The following PON1 variants were observed in gnomAD, a reference collection of about 807,000 sequenced individuals.
PON1 encodes the protein serum paraoxonase/arylesterase 1.
PON1 carries 37 observed loss-of-function variants against 39.2 expected under a neutral mutation model. That is an observed-to-expected ratio of 0.94 (90% confidence interval 0.73 to 1.24). The LOEUF is 1.24. PON1 is among the 50% of genes most tolerant of loss of function. The pLI, the probability that PON1 is intolerant of heterozygous loss-of-function variation, is 0.00. For synonymous variants in PON1, 148 were observed against 152.2 expected (o/e 0.97, Z 0.21); for missense variants, 397 against 413.5 (o/e 0.96, Z 0.35).
At chr7:95,303,756 C>T (rs930538210) in intron 7 of PON1, among the ~76,000 whole-genome samples, 2 of 152,182 alleles carry the variant, frequency 1.3e-5, no homozygotes, top group Non-Finnish European at 2.9e-5. Flanking sequence ...TCATGCAAGA[C>T]CCCTGCGTAT....
In PON1 at chr7:95,315,016, A is replaced by C. The variant is rs529063675; in HGVS notation, c.370+306T>G. Among the ~76,000 whole-genome samples the C allele has an allele frequency of 9.8e-5, 15 of 152,310 alleles. No homozygotes were observed. The East Asian group carries it at 2.9e-3, about 29-fold the overall frequency. On this transcript the variant is annotated intron_variant, in intron 4 of 8. Coordinates refer to ENST00000222381, the MANE Select transcript of PON1 (RefSeq NM_000446.7). The stretch of plus-strand genomic sequence containing the variant: ...ATGCCCGAGTCTTGAAAATCGTTTA[A>C]AATGGAAAAGCTATAATGATCAGGG...
At chr7:95,318,655 G>A in intron 1 of PON1, 1 of 410,324 alleles carries the variant, frequency 2.4e-6, no homozygotes, top group Non-Finnish European at 4.5e-6. Flanking sequence ...TGTGTACTTT[G>A]GCAGGAACAG....
At chr7:95,323,450 T>C (rs3917470) in intron 1 of PON1, among the ~76,000 whole-genome samples, 53 of 152,250 alleles carry the variant, frequency 3.5e-4, no homozygotes, top group African/African-American at 1.2e-3. Flanking sequence ...CAATAAATAG[T>C]AAAAACCCAT....
intron 2 of PON1, among the ~76,000 whole-genome samples, chr7:95,317,343 T>C (rs959888690): frequency 6.6e-6 from 1 of 151,998 alleles, no homozygotes; most frequent in Non-Finnish European, 1.5e-5. Flanking sequence ...TTTAAGTACA[T>C]GTAAATTTTT....
chr7:95,302,121 A>AAAAAAAAAAAAAAAAG (rs71127406), intron 8 of PON1, 84 bp downstream of exon 8: 1 of 725,920 alleles, frequency 1.4e-6, no homozygotes, highest in Non-Finnish European at 1.9e-6. Flanking sequence ...AAAAAAAAAA[A>AAAAAAAAAAAAAAAAG]CCAAGAATTG....
intron 5 of PON1, among the ~76,000 whole-genome samples, chr7:95,308,657 A>G (rs1263412018): frequency 6.6e-6 from 1 of 152,200 alleles, no homozygotes; most frequent in Admixed American, 6.5e-5. Flanking sequence ...CTGAACCAGC[A>G]GCCTGGATAC....
Position 95,316,738 on chromosome 7 carries a change from C to T in PON1, c.197G>A (p.Ser66Asn), listed in dbSNP as rs1807776938. Residue 66 changes from serine (S) to asparagine (N), a missense_variant, in exon 3 of 9, where the codon AGC becomes AAC. By Grantham distance (46) the Ser-to-Asn change is conservative (BLOSUM62 1). Coordinates refer to ENST00000222381, the MANE Select transcript of PON1 (RefSeq NM_000446.7). ...EILPNGLAFISSGLKYPGIKS... is the reference protein window; with the variant it reads ...EILPNGLAFINSGLKYPGIKS... ...AAAGTGAAAGAAAACACTCACAGAG[C>T]TAATGAAAGCCAGTCCATTAGGCAG... 1 of 1,613,074 alleles carries T rather than the reference C, an allele frequency of 6.2e-7. No homozygotes were observed. Among genetic ancestry groups the T allele is most frequent in the South Asian group, 1.1e-5 (1 of 91,060 alleles).
At chr7:95,315,224 C>T (rs1313172106) in intron 4 of PON1, 98 bp downstream of exon 4, 1 of 1,122,426 alleles carries the variant, frequency 8.9e-7, no homozygotes, top group Non-Finnish European at 1.3e-6. Context: ...CATGACTATG[C>T]TTTGTTTGAA....
chr7:95,321,017 G>A (rs1807885185), intron 1 of PON1, among the ~76,000 whole-genome samples: 1 of 152,198 alleles, frequency 6.6e-6, no homozygotes, highest in Non-Finnish European at 1.5e-5. Flanking sequence ...TTGGGTATCT[G>A]CATCTGGTGA....
At chr7:95,311,917 A>C (rs1448347263) in intron 4 of PON1, among the ~76,000 whole-genome samples, 1 of 152,238 alleles carries the variant, frequency 6.6e-6, no homozygotes. Flanking sequence ...GAAAGGGATA[A>C]AAACCATGGG....
At chr7:95,315,194 C>T (rs565451093) in intron 4 of PON1, 128 bp downstream of exon 4, 1 of 873,630 alleles carries the variant, frequency 1.1e-6, no homozygotes, top group Non-Finnish European at 1.8e-6. Flanking sequence ...AAGTTTAAAA[C>T]CCAGAGTAAG....
At chr7:95,305,048 T>G (rs1351066748) in intron 7 of PON1, among the ~76,000 whole-genome samples, 1 of 152,210 alleles carries the variant, frequency 6.6e-6, no homozygotes, top group East Asian at 1.9e-4. Flanking sequence ...TGAAATTCCA[T>G]TTTACTTGAG....
chr7:95,316,617 T>A (rs1336897232), intron 3 of PON1, 117 bp downstream of exon 3: 4 of 876,746 alleles, frequency 4.6e-6, no homozygotes, highest in Middle Eastern at 2.2e-4. Flanking sequence ...TTTTAAACCA[T>A]GACTGTTCAT....
At chr7:95,300,812 C>T (rs535316566) in intron 8 of PON1, among the ~76,000 whole-genome samples, 20 of 152,282 alleles carry the variant, frequency 1.3e-4, no homozygotes, top group Admixed American at 1.2e-3. Flanking sequence ...GCACTGAACA[C>T]TCCACAGCAT....
In PON1 at chr7:95,298,925, A is replaced by G. The variant is rs777709509; in HGVS notation, c.*19T>C. The stretch of plus-strand genomic sequence containing the variant: ...AAATAATGGCCTCAGTTTCTATGGC[A>G]TGGGTGCAAATCGGTCTGTTAGAGC... On this transcript the variant is annotated 3_prime_UTR_variant, in exon 9 of 9. Coordinates refer to ENST00000222381, the MANE Select transcript of PON1 (RefSeq NM_000446.7). The G allele has an allele frequency of 3.1e-6, 5 of 1,614,088 alleles. No homozygotes were observed. The highest frequency in any genetic ancestry group is 2.7e-5 in the African/African-American group (2 of 75,034).
At position 95,311,492 on chromosome 7, in the gene PON1, C is replaced by T. The variant is rs770941938; in HGVS notation, c.456G>A (p.Ser152=). ...GTCTGATGGTTTTTAGATGCAAAAG[C>T]GATTTTTCTTCTTCTTGAAATTTAA... The part of the protein sequence containing the change: ...ELFKFQEEEK[S]LLHLKTIRHK... The change falls in exon 5 of 9, where the codon TCG becomes TCA. Residue 152 remains serine (S), a synonymous_variant. Transcript: ENST00000222381. The T allele has an allele frequency of 1.1e-5, 18 of 1,613,910 alleles. No individual in the cohort carries two copies. The highest frequency in any genetic ancestry group is 2.2e-5 in the East Asian group (1 of 44,890).
At chr7:95,311,602 T>A (rs111665070) in intron 4 of PON1, 25 bp from the exon 5 acceptor site, 1 of 1,613,788 alleles carries the variant, frequency 6.2e-7, no homozygotes, top group Non-Finnish European at 8.5e-7. Context: ...AAAACAAAAA[T>A]GAAACATTAA....
intron 8 of PON1, among the ~76,000 whole-genome samples, chr7:95,300,153 A>G (rs1807390148): frequency 6.6e-6 from 1 of 152,216 alleles, no homozygotes; most frequent in Non-Finnish European, 1.5e-5. Context: ...TGTTAAGCCA[A>G]CCATATGAAA....
At chr7:95,304,824 T>C (rs1807507831) in intron 7 of PON1, among the ~76,000 whole-genome samples, 1 of 152,138 alleles carries the variant, frequency 6.6e-6, no homozygotes, top group African/African-American at 2.4e-5. Flanking sequence ...GAGAACCTTT[T>C]TGGGGTTTTC....
Sources: gnomAD v4.1 joint callset for allele counts (sites outside exome capture counted in the v4.1 genomes callset) on GRCh38, gnomAD v4.1.1 for gene constraint, MANE v1.5 for transcripts, NCBI Gene and HGNC (gene_info 2026-07-23, HGNC 2026-07-21) for gene names.